The following CELF4 variants were observed in gnomAD, a reference collection of about 807,000 sequenced individuals.
CELF4 encodes CUGBP Elav-like family member 4, also known as CUG-BP- and ETR-3-like factor 4.
A neutral mutation model predicts 59.9 loss-of-function variants in CELF4; 18 were observed. The observed-to-expected ratio is 0.30, with a 90% CI of 0.21 to 0.45. The LOEUF is 0.45. Ranked by LOEUF, CELF4 falls within the 20% of genes least tolerant of loss-of-function variation. The pLI is 1.00. For synonymous variants in CELF4, 261 were observed against 267.1 expected (o/e 0.98, Z 0.22); for missense variants, 456 against 689.0 (o/e 0.66, Z 3.79).
intron 2 of CELF4, among the ~76,000 whole-genome samples, chr18:37,411,188 T>G (rs755233824): frequency 6.6e-6 from 1 of 152,138 alleles, no homozygotes; most frequent in Non-Finnish European, 1.5e-5. Flanking sequence ...ACTCCTGAGC[T>G]CAAGTGATCC....
chr18:37,552,467 C>A (rs146718262), intron 1 of CELF4, among the ~76,000 whole-genome samples: 1 of 152,192 alleles, frequency 6.6e-6, no homozygotes, highest in African/African-American at 2.4e-5. Flanking sequence ...CAGAAGTCAA[C>A]GGCAGTTGGT....
intron 2 of CELF4, among the ~76,000 whole-genome samples, chr18:37,453,356 C>A (rs2099769405): frequency 6.6e-6 from 1 of 152,196 alleles, no homozygotes. Flanking sequence ...TAGCCCAATG[C>A]TAATTTTCTT....
At chr18:37,277,863 C>T (rs1398449996) in intron 3 of CELF4, among the ~76,000 whole-genome samples, 1 of 152,116 alleles carries the variant, frequency 6.6e-6, no homozygotes, top group East Asian at 1.9e-4. Context: ...ATCCCTGGCC[C>T]TCTTGCTAAA....
At chr18:37,375,489 T>C (rs1390716114) in intron 2 of CELF4, among the ~76,000 whole-genome samples, 1 of 152,058 alleles carries the variant, frequency 6.6e-6, no homozygotes, top group African/African-American at 2.4e-5. Flanking sequence ...CCCACCAAAG[T>C]CAGCTTTTCC....
At chr18:37,442,230 A>G (rs1317055938) in intron 2 of CELF4, among the ~76,000 whole-genome samples, 2 of 152,100 alleles carry the variant, frequency 1.3e-5, no homozygotes, top group South Asian at 2.1e-4. Context: ...AATGACGAAC[A>G]TGGCTTCTGT....
chr18:37,273,055 T>C lies in CELF4; in HGVS notation c.910A>G (p.Met304Val). The C allele has an allele frequency of 6.2e-7, 1 of 1,612,614 alleles. No homozygotes were observed. Among genetic ancestry groups the C allele is most frequent in the Non-Finnish European group, 8.5e-7 (1 of 1,179,882 alleles). ...ATAGGTGCGGCCGCCAGGCCATTCA[T>C]GTTGAGGGCCGCCATCTGCTGCATC... ...AQMQQMAALN[M>V]NGLAAAPMTP... is the part of the protein sequence containing the mutation. The change falls in exon 7 of 13, where the codon ATG becomes GTG. Residue 304 changes from methionine to valine, a missense_variant. Transcript: ENST00000420428.
At chr18:37,323,762 A>C (rs2097204239) in intron 2 of CELF4, among the ~76,000 whole-genome samples, 1 of 152,130 alleles carries the variant, frequency 6.6e-6, no homozygotes, top group African/African-American at 2.4e-5. Flanking sequence ...CTGCTTATGT[A>C]ATTTTACAAT....
intron 2 of CELF4, among the ~76,000 whole-genome samples, chr18:37,410,914 C>T (rs2099444749): frequency 2.6e-5 from 4 of 152,174 alleles, no homozygotes; most frequent in African/African-American, 9.7e-5. Flanking sequence ...GTTCTGCATC[C>T]GTGAGATCCA....
At chr18:37,464,544 A>G (rs1311799317) in intron 2 of CELF4, among the ~76,000 whole-genome samples, 1 of 152,164 alleles carries the variant, frequency 6.6e-6, no homozygotes, top group Non-Finnish European at 1.5e-5. Context: ...TTTCTGTCCC[A>G]TGACTCAGGA....
chr18:37,488,252 T>A (rs1368914034), intron 1 of CELF4, among the ~76,000 whole-genome samples: 1 of 152,144 alleles, frequency 6.6e-6, no homozygotes, highest in Non-Finnish European at 1.5e-5. Context: ...CCTGTTTCCC[T>A]TTCTGTTTGG....
chr18:37,439,789 C>T (rs927554822), intron 2 of CELF4, among the ~76,000 whole-genome samples: 1 of 152,174 alleles, frequency 6.6e-6, no homozygotes, highest in Non-Finnish European at 1.5e-5. Context: ...TCATCTCTGG[C>T]TTAGGGTGGG....
chr18:37,319,479 G>T (rs2097007434), intron 3 of CELF4, among the ~76,000 whole-genome samples: 1 of 152,228 alleles, frequency 6.6e-6, no homozygotes, highest in South Asian at 2.1e-4. Context: ...TAGTGGGTAG[G>T]ATCTGAGGTC....
intron 1 of CELF4, among the ~76,000 whole-genome samples, chr18:37,493,807 G>A (rs894822315): frequency 6.6e-5 from 10 of 152,248 alleles, no homozygotes; most frequent in Admixed American, 2.0e-4. Flanking sequence ...TTCAGGCTCC[G>A]TACTGCCCTC....
intron 8 of CELF4, among the ~76,000 whole-genome samples, chr18:37,270,282 C>G (rs1018494072): frequency 6.6e-6 from 1 of 152,236 alleles, no homozygotes; most frequent in East Asian, 1.9e-4. Flanking sequence ...GCACCATGAT[C>G]GCGCTTTTGT....
At chr18:37,252,154 C>G (rs1043233767) in intron 12 of CELF4, among the ~76,000 whole-genome samples, 8 of 152,130 alleles carry the variant, frequency 5.3e-5, no homozygotes, top group African/African-American at 1.7e-4. Context: ...GGAGACCTCC[C>G]TCCCAAACTC....
chr18:37,267,092 G>A (rs868035479), intron 8 of CELF4, among the ~76,000 whole-genome samples: 34 of 152,194 alleles, frequency 2.2e-4, no homozygotes, highest in Admixed American at 4.6e-4. Context: ...AGAGGGATGC[G>A]CCCTCACTGT....
At chr18:37,270,987 C>A in intron 7 of CELF4, 70 bp from the exon 8 acceptor site, 1 of 1,359,666 alleles carries the variant, frequency 7.4e-7, no homozygotes. Context: ...GAAGGCCCAC[C>A]CATAAAGCTT....
chr18:37,365,606 C>T (rs547498526), intron 2 of CELF4, among the ~76,000 whole-genome samples: 10 of 150,884 alleles, frequency 6.6e-5, no homozygotes, highest in African/African-American at 2.2e-4. Context: ...CTGCCTCAAC[C>T]TCCTGAGTGG....
intron 2 of CELF4, among the ~76,000 whole-genome samples, chr18:37,345,970 G>A (rs191709195): frequency 2.0e-5 from 3 of 152,288 alleles, no homozygotes; most frequent in East Asian, 3.9e-4. Context: ...ATTTCCTGGA[G>A]TGGCAGCTGG....
Sources: allele counts gnomAD v4.1 joint callset (sites outside exome capture counted in the v4.1 genomes callset), GRCh38; gene constraint gnomAD v4.1.1; transcripts MANE v1.5; gene names NCBI Gene and HGNC (gene_info 2026-07-23, HGNC 2026-07-21).